Variants in AGMO observed in about 807,000 individuals in gnomAD.
AGMO encodes alkylglycerol monooxygenase.
In AGMO, 75 loss-of-function variants were observed where a neutral mutation model predicts 60.2. The observed-to-expected ratio is 1.25, with a 90% CI of 1.03 to 1.51. The LOEUF (loss-of-function observed/expected upper bound fraction) is 1.51. Among genes scored for constraint, AGMO ranks in the 40% most tolerant of loss-of-function variants. The probability of loss-of-function intolerance (pLI) is 0.00; values close to 1 mark genes in which losing one functional copy is unlikely to be tolerated. For synonymous variants in AGMO, 261 were observed against 177.1 expected, an observed-to-expected ratio of 1.47 and a Z score of -3.76; for missense variants, 763 against 525.5, an observed-to-expected ratio of 1.45 and a Z score of -4.42.
chr7:15,365,380 T>TTAAAAAAAAAAAAAAAAAAAAAA (rs1311387207), intron 12 of AGMO, 134 bp downstream of exon 12: 2 of 210,468 alleles, frequency 9.5e-6, no homozygotes, highest in African/African-American at 1.2e-4. Flanking sequence ...TACTGGTAAG[T>TTAAAAAAAAAAAAAAAAAAAAAA]AAAAAAAAAA....
rs765917941 is a variant in AGMO, at chr7:15,412,684, TA to T, written c.609+5873del. ...TAAACACCTCCAGCATTTCATTATTTAAAAAAAAAAAAAAAAAAAAAAAGAC... is the reference window on the plus strand; with the variant it reads ...TAAACACCTCCAGCATTTCATTATTTAAAAAAAAAAAAAAAAAAAAAAGAC... On this transcript the variant is annotated intron_variant, in intron 5 of 12. Coordinates refer to ENST00000342526, the MANE Select transcript of AGMO (RefSeq NM_001004320.2). Among the ~76,000 whole-genome samples, 640 of 111,354 alleles carry T rather than the reference TA, an allele frequency of 5.7e-3. 3 individuals are homozygous for T. Among genetic ancestry groups the T allele is most frequent in the African/African-American group, 0.017 (469 of 28,360 alleles). 73.1% of individuals were successfully genotyped at this position (111,354 alleles called of 152,430 possible).
At chr7:15,536,515 T>C (rs1784486906) in intron 3 of AGMO, among the ~76,000 whole-genome samples, 1 of 151,900 alleles carries the variant, frequency 6.6e-6, no homozygotes, top group South Asian at 2.1e-4. Flanking sequence ...GACAGTTTAT[T>C]TATCAATTTT....
At chr7:15,357,314 A>G (rs921566572) in intron 12 of AGMO, among the ~76,000 whole-genome samples, 3 of 151,740 alleles carry the variant, frequency 2.0e-5, no homozygotes, top group Non-Finnish European at 2.9e-5. Context: ...CCTTACATTC[A>G]TCTTGTAGCC....
chr7:15,150,325 T>C, the AGMO span, among the ~76,000 whole-genome samples: 1 of 152,100 alleles, frequency 6.6e-6, no homozygotes, highest in Non-Finnish European at 1.5e-5. Flanking sequence ...GGCTAGGACT[T>C]CCAGTAGTAT....
At chr7:15,360,485 A>G (rs1782706342) in intron 12 of AGMO, among the ~76,000 whole-genome samples, 1 of 152,232 alleles carries the variant, frequency 6.6e-6, no homozygotes, top group Non-Finnish European at 1.5e-5. Flanking sequence ...TTCTCACAAT[A>G]AAGCTAAAGA....
the AGMO span, among the ~76,000 whole-genome samples, chr7:15,131,331 T>C: frequency 1.6e-4 from 24 of 152,276 alleles, no homozygotes; most frequent in Middle Eastern, 3.4e-3. Flanking sequence ...TAGTCATCCC[T>C]TGGACTCCAG....
At chr7:15,307,790 C>T (rs1018513935) in intron 12 of AGMO, among the ~76,000 whole-genome samples, 2 of 152,014 alleles carry the variant, frequency 1.3e-5, no homozygotes, top group Non-Finnish European at 2.9e-5. Flanking sequence ...AGATCTTTGC[C>T]TTTTCCTGGG....
At chr7:15,354,668 T>C (rs977336591) in intron 12 of AGMO, among the ~76,000 whole-genome samples, 1 of 148,916 alleles carries the variant, frequency 6.7e-6, no homozygotes, top group Admixed American at 6.7e-5. Flanking sequence ...AAGAAAACAA[T>C]TTTTTAAGTG....
chr7:15,214,323 T>C (rs1404014307), intron 12 of AGMO, among the ~76,000 whole-genome samples: 2 of 151,990 alleles, frequency 1.3e-5, no homozygotes, highest in African/African-American at 2.4e-5. Context: ...TCTGGAGAAA[T>C]GTGTTAATAA....
chr7:15,544,807 T>G lies in AGMO; in HGVS notation c.374A>C (p.Asp125Ala). ...ACGATGGAACCAGTAGTAGCCAAAG[T>G]CAACTCCTAAGAAGGCTGAATACCA... ...WTWYSAFLGVDFGYYWFHRMA... is the reference protein window; with the variant it reads ...WTWYSAFLGVAFGYYWFHRMA... Residue 125 changes from aspartate to alanine, a missense_variant, in exon 3 of 13, where the codon GAC becomes GCC. By Grantham distance (126) the Asp-to-Ala change is moderately radical (BLOSUM62 -2). Transcript: ENST00000342526. The G allele has an allele frequency of 6.2e-7, 1 of 1,607,422 alleles. No homozygotes were observed. Among genetic ancestry groups the G allele is most frequent in the Non-Finnish European group, 8.5e-7 (1 of 1,176,834 alleles).
the AGMO span, among the ~76,000 whole-genome samples, chr7:15,186,100 T>C: frequency 6.6e-6 from 1 of 152,188 alleles, no homozygotes; most frequent in African/African-American, 2.4e-5. Context: ...ACCTTGGCCA[T>C]TGCAGTCGGA....
intron 12 of AGMO, among the ~76,000 whole-genome samples, chr7:15,222,926 T>C (rs919717604): frequency 2.1e-5 from 3 of 143,542 alleles, no homozygotes; most frequent in Non-Finnish European, 4.5e-5. Context: ...AATTATCTAA[T>C]ATGCAGTTAA....
Position 15,531,474 on chromosome 7 carries a change from TTC to T in AGMO, c.409+13296_409+13297del, listed in dbSNP as rs1201151733. Among the ~76,000 whole-genome samples, 59 of 52,488 alleles carry T rather than the reference TTC, an allele frequency of 1.1e-3. 8 individuals carry two copies. The highest frequency in any genetic ancestry group is 3.4e-3 in the African/African-American group (36 of 10,544). 34.4% of individuals were successfully genotyped at this position (52,488 alleles called of 152,430 possible). On this transcript the variant is annotated intron_variant, in intron 3 of 12. Transcript: ENST00000342526. ...ATTCTCTATATATATTCTATATATA[TTC>T]TCTATATATATTCTATATATATTCT...
chr7:15,495,311 T>C (rs989434448), intron 3 of AGMO, among the ~76,000 whole-genome samples: 1 of 152,172 alleles, frequency 6.6e-6, no homozygotes, highest in East Asian at 1.9e-4. Context: ...CCCAATAGTT[T>C]TGGCATTCTT....
intron 3 of AGMO, among the ~76,000 whole-genome samples, chr7:15,506,738 A>C (rs999666916): frequency 6.6e-6 from 1 of 152,008 alleles, no homozygotes; most frequent in Non-Finnish European, 1.5e-5. Flanking sequence ...TGGAAGATTC[A>C]GATAAAAGTG....
At chr7:15,338,945 T>G (rs1781747303) in intron 12 of AGMO, among the ~76,000 whole-genome samples, 1 of 152,176 alleles carries the variant, frequency 6.6e-6, no homozygotes, top group South Asian at 2.1e-4. Flanking sequence ...GGGAGCAGCC[T>G]CAATTCTCCA....
intron 12 of AGMO, among the ~76,000 whole-genome samples, chr7:15,354,271 G>A (rs561019404): frequency 1.5e-5 from 2 of 132,688 alleles, no homozygotes; most frequent in East Asian, 2.1e-4. Flanking sequence ...GTACATGATA[G>A]ATGTATATCA....
chr7:15,416,605 TG>T (rs1780779636), intron 5 of AGMO, among the ~76,000 whole-genome samples: 1 of 152,166 alleles, frequency 6.6e-6, no homozygotes, highest in African/African-American at 2.4e-5. Context: ...ATTGTAAGAA[TG>T]AAACTCTATT....
At chr7:15,555,270 C>CATATATATATATAT (rs375890408) in intron 2 of AGMO, among the ~76,000 whole-genome samples, 9 of 114,102 alleles carry the variant, frequency 7.9e-5, no homozygotes, top group African/African-American at 3.3e-4. Flanking sequence ...TGTATTGGAT[C>CATATATATATATAT]ATATATATAT....
Sources: gnomAD v4.1 joint callset for allele counts (sites outside exome capture counted in the v4.1 genomes callset) on GRCh38, gnomAD v4.1.1 for gene constraint, MANE v1.5 for transcripts, NCBI Gene and HGNC (gene_info 2026-07-23, HGNC 2026-07-21) for gene names.